Variants in ROCK2 observed in about 807,000 individuals in gnomAD.
ROCK2 encodes rho-associated protein kinase 2.
A neutral mutation model predicts 195.1 loss-of-function variants in ROCK2; 61 were observed. The ratio of observed to expected loss-of-function variants is 0.31; its 90% confidence interval spans 0.25 to 0.39. The LOEUF is 0.39. Ranked by LOEUF, ROCK2 falls within the 10% of genes least tolerant of loss-of-function variation. The pLI, the probability that ROCK2 is intolerant of heterozygous loss-of-function variation, is 1.00. For missense variants in ROCK2, 1,109 were observed against 1,637.4 expected (o/e 0.68, Z 5.57); for synonymous variants, 504 against 545.5 (o/e 0.92, Z 1.06).
chr2:11,244,827 T>C (rs1308105843), intron 4 of ROCK2, among the ~76,000 whole-genome samples: 1 of 152,068 alleles, frequency 6.6e-6, no homozygotes, highest in Non-Finnish European at 1.5e-5. Context: ...CATTCAAGCC[T>C]CATGAAATGA....
At position 11,192,836 on chromosome 2, in the gene ROCK2, G is replaced by T. The variant is rs1663480993; in HGVS notation, c.3688-124C>A. The T allele has an allele frequency of 1.8e-6, 2 of 1,111,332 alleles. No homozygotes were observed. Among genetic ancestry groups the T allele is most frequent in the Non-Finnish European group, 2.5e-6 (2 of 802,040 alleles). The allele number at this position is 1,111,332 out of a possible 1,614,324, so 68.8% of individuals were successfully genotyped here. On this transcript the variant is annotated intron_variant, in intron 30 of 32. Coordinates refer to ENST00000315872, the MANE Select transcript of ROCK2 (RefSeq NM_004850.5). The surrounding 1 kb of genome is among the most constrained non-coding windows in gnomAD (Gnocchi z 5.0). ...TATTCAAAGAGAAGAAAATGTATCT[G>T]AAGTACAAACTTAAGCTCTTGATTA...
Position 11,308,851 on chromosome 2 carries a change from G to A in ROCK2, c.142-21115C>T, listed in dbSNP as rs1667945909. 3 of 1,611,796 alleles carry A rather than the reference G, an allele frequency of 1.9e-6. No homozygotes were observed. In the Admixed American group the frequency reaches 5.0e-5, roughly 27 times the overall value. On this transcript the variant is annotated intron_variant, in intron 1 of 32. Transcript: ENST00000315872. ...GGCCAAATGTAATAGAACTATACAA[G>A]AAACCCACTGACTTTAAAAGAAAGC...
At position 11,201,358 on chromosome 2, in the gene ROCK2, T is replaced by G; in HGVS notation, c.2675A>C (p.Lys892Thr). Residue 892 changes from lysine (K) to threonine (T), a missense_variant, in exon 22 of 33, where the codon AAA (lysine) becomes ACA (threonine). Physicochemically the swap from Lys to Thr is moderately conservative, Grantham distance 78. This residue lies in a region of ROCK2 where 542 missense variants were observed against 672.0 expected (regional missense o/e 0.81). Transcript: ENST00000315872. The surrounding 1 kb of genome is among the most constrained non-coding windows in gnomAD (Gnocchi z 4.6). ...CTTCTGCTGCAATTCTTTACCAAGT[T>G]TGGTCTTTTCTTCACATTCTTCTTT... The part of the protein sequence containing the change: ...ELKEECEEKT[K>T]LGKELQQKKQ... 1 of 1,613,490 alleles carries G rather than the reference T, an allele frequency of 6.2e-7. No individual in the cohort carries two copies. The highest frequency in any genetic ancestry group is 8.5e-7 in the Non-Finnish European group (1 of 1,179,642).
intron 3 of ROCK2, among the ~76,000 whole-genome samples, chr2:11,271,584 T>C (rs1016092800): frequency 4.6e-5 from 7 of 152,188 alleles, no homozygotes; most frequent in Admixed American, 1.3e-4. Context: ...CAGCATTTTA[T>C]TTGTTGTTAG....
chr2:11,209,366 G>A (rs1422106661), intron 18 of ROCK2, among the ~76,000 whole-genome samples: 1 of 152,098 alleles, frequency 6.6e-6, no homozygotes, highest in African/African-American at 2.4e-5. Flanking sequence ...TAATACATGT[G>A]TACCACTTAA....
rs1423756088 is a variant in ROCK2 at position 11,198,764 on chromosome 2, G to A, written c.2921C>T (p.Thr974Ile). The change falls in exon 24 of 33, where the codon ACT becomes ATT. Residue 974 changes from threonine (T) to isoleucine (I), a missense_variant. Physicochemically the swap from Thr to Ile is moderately conservative, Grantham distance 89. This residue lies in a region of ROCK2 where 542 missense variants were observed against 672.0 expected (regional missense o/e 0.81). Transcript: ENST00000315872. ...KDATIASLEE[T>I]NRTLTSDVAN... ...AACATCACTAGTTAGTGTCCTATTA[G>A]TTTCCTCAAGCTAAGAAATGAAAGA... 1 of 1,587,752 alleles carries A rather than the reference G, an allele frequency of 6.3e-7. No homozygotes were observed. The highest frequency in any genetic ancestry group is 8.6e-7 in the Non-Finnish European group (1 of 1,166,422).
At chr2:11,294,406 CTG>C (rs1667451214) in intron 1 of ROCK2, among the ~76,000 whole-genome samples, 1 of 152,064 alleles carries the variant, frequency 6.6e-6, no homozygotes, top group Admixed American at 6.5e-5. Context: ...TCCTAACAGA[CTG>C]TGGAATTATA....
intron 3 of ROCK2, among the ~76,000 whole-genome samples, chr2:11,262,774 C>G (rs574542258): frequency 6.6e-6 from 1 of 152,178 alleles, no homozygotes; most frequent in South Asian, 2.1e-4. Context: ...AGCATGAAAA[C>G]AGACTAATAC....
chr2:11,218,601 T>A, intron 10 of ROCK2, 135 bp from the exon 11 acceptor site: 2 of 604,324 alleles, frequency 3.3e-6, no homozygotes, highest in Non-Finnish European at 5.5e-6. Flanking sequence ...GAAAAAATGT[T>A]TAGCATCATC....
At chr2:11,275,732 C>A in intron 3 of ROCK2, among the ~76,000 whole-genome samples, 1 of 132,716 alleles carries the variant, frequency 7.5e-6, no homozygotes, top group Non-Finnish European at 1.6e-5. Flanking sequence ...CAAAGTCTTG[C>A]TCTGTCACCC....
chr2:11,338,720 A>G (rs1457038329), intron 1 of ROCK2, among the ~76,000 whole-genome samples: 1 of 152,216 alleles, frequency 6.6e-6, no homozygotes, highest in Admixed American at 6.5e-5. Context: ...GAGATATCCA[A>G]GCAAACTGCA....
At chr2:11,254,690 T>C (rs1381293806) in intron 3 of ROCK2, among the ~76,000 whole-genome samples, 1 of 120,500 alleles carries the variant, frequency 8.3e-6, no homozygotes, top group Admixed American at 1.1e-4. Context: ...AGCCCAAGAG[T>C]TTGAGACAGC....
intron 1 of ROCK2, chr2:11,308,950 T>G: frequency 1.2e-6 from 2 of 1,610,988 alleles, no homozygotes; most frequent in Non-Finnish European, 8.5e-7. Flanking sequence ...GATCCTGACA[T>G]GATGAACCTG....
At chr2:11,208,075 G>T (rs747365604) in intron 19 of ROCK2, among the ~76,000 whole-genome samples, 165 bp from the exon 20 acceptor site, 33 of 150,596 alleles carry the variant, frequency 2.2e-4, no homozygotes, top group South Asian at 4.2e-4. Context: ...TATTATAATT[G>T]TATTTTTTAA....
chr2:11,277,108 T>C (rs1225882582), intron 3 of ROCK2, among the ~76,000 whole-genome samples: 1 of 152,228 alleles, frequency 6.6e-6, no homozygotes, highest in Non-Finnish European at 1.5e-5. Context: ...ATTAGTGTGG[T>C]ACATTTGTTA....
intron 3 of ROCK2, among the ~76,000 whole-genome samples, chr2:11,250,761 C>T: frequency 6.6e-6 from 1 of 152,308 alleles, no homozygotes; most frequent in African/African-American, 2.4e-5. Flanking sequence ...CAGAATCCAA[C>T]CATTTCTAAC....
At chr2:11,298,803 T>C (rs1477151461) in intron 1 of ROCK2, among the ~76,000 whole-genome samples, 1 of 152,146 alleles carries the variant, frequency 6.6e-6, no homozygotes, top group African/African-American at 2.4e-5. Context: ...GTCAGCAATT[T>C]TGAGTGAGAA....
In ROCK2 at chr2:11,293,344, T is replaced by G. The variant is rs146705208; in HGVS notation, c.142-5608A>C. ...ATAAAATTGTGTGACCCTACACAAG[T>G]AATTTCACCCAACTTCTAGGGCCCT... On this transcript the variant is annotated intron_variant, in intron 1 of 32. Coordinates refer to ENST00000315872, the MANE Select transcript of ROCK2 (RefSeq NM_004850.5). Among the ~76,000 whole-genome samples the G allele has an allele frequency of 3.0e-4, 46 of 152,340 alleles. No homozygotes were observed. In the East Asian group the frequency reaches 6.6e-3, roughly 22 times the overall value.
intron 1 of ROCK2, among the ~76,000 whole-genome samples, chr2:11,329,048 C>T (rs1668635120): frequency 1.3e-5 from 2 of 150,882 alleles, no homozygotes; most frequent in Admixed American, 1.3e-4. Flanking sequence ...GCACATGTAC[C>T]CTAAAACTTA....
Sources: gnomAD v4.1 joint callset for allele counts (sites outside exome capture counted in the v4.1 genomes callset) on GRCh38, gnomAD v4.1.1 for gene constraint, gnomAD v4.1.1 regional missense constraint, Gnocchi (gnomAD v3.1) non-coding constraint, MANE v1.5 for transcripts, NCBI Gene and HGNC (gene_info 2026-07-23, HGNC 2026-07-21) for gene names.